Variants in ADAM18 observed in about 807,000 individuals in gnomAD.
ADAM18 encodes the protein ADAM metallopeptidase domain 18.
Under a neutral mutation model 94.4 loss-of-function variants are expected in ADAM18, and 117 were observed. The ratio of observed to expected loss-of-function variants is 1.24; its 90% confidence interval spans 1.07 to 1.45. The LOEUF is 1.45. ADAM18 is among the 40% of genes most tolerant of loss of function. ADAM18 has a pLI of 0.00. For synonymous variants in ADAM18, 327 were observed against 291.6 expected (o/e 1.12, Z -1.24); for missense variants, 936 against 880.0 (o/e 1.06, Z -0.81).
intron 18 of ADAM18, among the ~76,000 whole-genome samples, chr8:39,713,003 C>T (rs1822461346): frequency 6.6e-6 from 1 of 152,130 alleles, no homozygotes; most frequent in South Asian, 2.1e-4. Context: ...GCAAAATGAA[C>T]AAAGCTGGAG....
intron 2 of ADAM18, among the ~76,000 whole-genome samples, chr8:39,591,345 C>G (rs1818565341): frequency 2.0e-5 from 3 of 152,128 alleles, no homozygotes; most frequent in Admixed American, 2.0e-4. Flanking sequence ...CACAGTAGAA[C>G]TTATTTTAAA....
intron 14 of ADAM18, among the ~76,000 whole-genome samples, chr8:39,674,243 A>G (rs1479426481): frequency 6.6e-6 from 1 of 151,976 alleles, no homozygotes; most frequent in African/African-American, 2.4e-5. Flanking sequence ...TCCCATTATT[A>G]TTGTGTGGGA....
rs1819199632 is a variant in ADAM18, at chr8:39,609,497, T to C, written c.280T>C (p.Tyr94His). 1 of 1,611,252 alleles carries C rather than the reference T, an allele frequency of 6.2e-7. No individual in the cohort carries two copies. The highest frequency in any genetic ancestry group is 1.7e-4 in the Middle Eastern group (1 of 6,044). ...VSPYFMMHCH[Y>H]QGYAAEFPNS... ...TACTGTTTTTCAGATGCATTGCCAT[T>C]ACCAAGGATATGCTGCCGAATTTCC... is the stretch of plus-strand genomic sequence containing the variant. The change falls in exon 5 of 20, where the codon TAC (tyrosine) becomes CAC (histidine). Residue 94 changes from tyrosine to histidine, a missense_variant. Coordinates refer to ENST00000265707, the MANE Select transcript of ADAM18 (RefSeq NM_014237.3).
chr8:39,680,586 T>A (rs1397171732), intron 16 of ADAM18, among the ~76,000 whole-genome samples: 3 of 152,196 alleles, frequency 2.0e-5, no homozygotes, highest in Non-Finnish European at 4.4e-5. Flanking sequence ...TTATTTGATT[T>A]GTATCTGATC....
intron 18 of ADAM18, among the ~76,000 whole-genome samples, chr8:39,716,226 T>C (rs1019216642): frequency 6.6e-6 from 1 of 152,048 alleles, no homozygotes; most frequent in Admixed American, 6.6e-5. Context: ...CTATTTTTTT[T>C]CTGCTAATTT....
chr8:39,650,963 C>T (rs1393605335), intron 12 of ADAM18, among the ~76,000 whole-genome samples: 1 of 152,130 alleles, frequency 6.6e-6, no homozygotes, highest in East Asian at 1.9e-4. Context: ...TCTGAGTTCC[C>T]TCAGTATTTA....
At chr8:39,698,127 C>A (rs531995881) in intron 17 of ADAM18, among the ~76,000 whole-genome samples, 38 of 151,876 alleles carry the variant, frequency 2.5e-4, no homozygotes, top group African/African-American at 9.2e-4. Flanking sequence ...ATCTCTCAAG[C>A]TTTCATTCTT....
At chr8:39,694,670 A>G (rs1821874066) in intron 17 of ADAM18, among the ~76,000 whole-genome samples, 1 of 151,466 alleles carries the variant, frequency 6.6e-6, no homozygotes, top group Admixed American at 6.6e-5. Context: ...AGTGGACTAC[A>G]ATATATCTGC....
intron 18 of ADAM18, 69 bp from the exon 19 acceptor site, chr8:39,723,679 G>A: frequency 8.6e-7 from 1 of 1,156,396 alleles, no homozygotes. Flanking sequence ...ATATGATTAA[G>A]TGAAAAAATA....
At position 39,722,217 on chromosome 8, in the gene ADAM18, GTATATATATATATATATATATATATA is replaced by G. The variant is rs61542840; in HGVS notation, c.2018-1511_2018-1486del. ...TGTGTGTGTGTGTGTGTGTGTGTGT[GTATATATATATATATATATATATATA>G]TATATATATATATATATATGCCGTG... is the stretch of plus-strand genomic sequence containing the variant. On this transcript the variant is annotated intron_variant, in intron 18 of 19. Coordinates refer to ENST00000265707, the MANE Select transcript of ADAM18 (RefSeq NM_014237.3). Among the ~76,000 whole-genome samples, 393 of 91,492 alleles carry G rather than the reference GTATATATATATATATATATATATATA, an allele frequency of 4.3e-3. 2 individuals carry two copies. The highest frequency in any genetic ancestry group is 5.1e-3 in the Middle Eastern group (1 of 198). 60.0% of individuals were successfully genotyped at this position (91,492 alleles called of 152,430 possible).
intron 2 of ADAM18, among the ~76,000 whole-genome samples, chr8:39,597,512 A>G (rs1248030469): frequency 6.6e-6 from 1 of 152,212 alleles, no homozygotes; most frequent in Non-Finnish European, 1.5e-5. Context: ...CAGTTGTCCC[A>G]ACACCATTTG....
intron 19 of ADAM18, among the ~76,000 whole-genome samples, chr8:39,728,488 A>G (rs972279619): frequency 1.3e-5 from 2 of 152,184 alleles, no homozygotes; most frequent in Non-Finnish European, 2.9e-5. Flanking sequence ...TTTAATAGCA[A>G]CACAATAAAT....
intron 2 of ADAM18, 97 bp downstream of exon 2, chr8:39,585,449 C>A: frequency 1.2e-6 from 1 of 864,716 alleles, no homozygotes. Flanking sequence ...GTATTCATTG[C>A]CAAATCATAA....
At chr8:39,683,318 T>C (rs2129580632) in intron 16 of ADAM18, among the ~76,000 whole-genome samples, 1 of 152,346 alleles carries the variant, frequency 6.6e-6, no homozygotes, top group East Asian at 1.9e-4. Flanking sequence ...GGCTGGCATT[T>C]TAATACCAGC....
Position 39,680,042 on chromosome 8 carries a change from T to C in ADAM18, c.1637T>C (p.Val546Ala), listed in dbSNP as rs201488075. Residue 546 changes from valine (V) to alanine (A), a missense_variant, in exon 16 of 20, where the codon GTT becomes GCT. Val to Ala is a moderately conservative substitution (Grantham distance 64). Coordinates refer to ENST00000265707, the MANE Select transcript of ADAM18 (RefSeq NM_014237.3). ...TTTTTGCTTTCCACTTCCAGGGATGTTCTCTGTGGAAAATTAGCTTGTGTT... is the reference window on the plus strand; with the variant it reads ...TTTTTGCTTTCCACTTCCAGGGATGCTCTCTGTGGAAAATTAGCTTGTGTT... ...SQPLPCERKD[V>A]LCGKLACVQP... 15 of 1,613,528 alleles carry C rather than the reference T, an allele frequency of 9.3e-6. No homozygotes were observed. The highest frequency in any genetic ancestry group is 1.2e-5 in the Non-Finnish European group (14 of 1,179,754).
chr8:39,675,593 T>G (rs1821278448), intron 14 of ADAM18, among the ~76,000 whole-genome samples: 1 of 152,226 alleles, frequency 6.6e-6, no homozygotes, highest in African/African-American at 2.4e-5. Flanking sequence ...CGGAGAAGTT[T>G]GTTATTACCA....
At chr8:39,635,967 C>T (rs970647119) in intron 7 of ADAM18, among the ~76,000 whole-genome samples, 1 of 147,198 alleles carries the variant, frequency 6.8e-6, no homozygotes, top group African/African-American at 2.5e-5. Context: ...TTTACTTATT[C>T]TTTACTTATT....
chr8:39,705,348 C>T (rs1224138718), intron 17 of ADAM18, among the ~76,000 whole-genome samples: 1 of 151,922 alleles, frequency 6.6e-6, no homozygotes, highest in Non-Finnish European at 1.5e-5. Flanking sequence ...TTAAAGTTAG[C>T]AAAATAAAAT....
intron 18 of ADAM18, among the ~76,000 whole-genome samples, chr8:39,708,455 A>G (rs752987574): frequency 1.4e-4 from 22 of 152,248 alleles, no homozygotes; most frequent in Non-Finnish European, 2.5e-4. Flanking sequence ...ACCATACAGT[A>G]TTTATTCTCA....
Sources: gnomAD v4.1 joint callset for allele counts (sites outside exome capture counted in the v4.1 genomes callset) on GRCh38, gnomAD v4.1.1 for gene constraint, MANE v1.5 for transcripts, NCBI Gene and HGNC (gene_info 2026-07-23, HGNC 2026-07-21) for gene names.